The following CDH23 variants were observed in gnomAD, a reference collection of about 807,000 sequenced individuals.
CDH23 encodes cadherin-23.
CDH23 carries 189 observed loss-of-function variants against 317.1 expected under a neutral mutation model. The observed-to-expected ratio is 0.60, with a 90% CI of 0.53 to 0.67. The LOEUF (loss-of-function observed/expected upper bound fraction) is 0.67, where lower values mean the gene tolerates loss of function less well. CDH23 is among the 30% of genes least tolerant of loss of function. The pLI, the probability that CDH23 is intolerant of heterozygous loss-of-function variation, is 0.00. For missense variants in CDH23, 4,401 were observed against 4,592.4 expected, an observed-to-expected ratio of 0.96 and a Z score of 1.20; for synonymous variants, 1,839 against 1,876.8, an observed-to-expected ratio of 0.98 and a Z score of 0.52.
intron 3 of CDH23, among the ~76,000 whole-genome samples, chr10:71,454,153 A>G (rs1468699901): frequency 2.0e-5 from 3 of 152,184 alleles, no homozygotes; most frequent in Non-Finnish European, 2.9e-5. Flanking sequence ...AGATGGAGAA[A>G]GTGAGGCCCA....
rs754557923 is a variant in CDH23, at chr10:71,812,602, G to A, written c.9503G>A (p.Arg3168His). 1.3e-5 allele frequency: 21 copies of A among 1,613,804 alleles called. No homozygotes were observed. In the Admixed American group the frequency reaches 1.3e-4, roughly 10 times the overall value. The stretch of plus-strand genomic sequence containing the variant: ...GCCGACCTGTGGAACAGCCCCACGC[G>A]CACCCATGTGAGCCAGAGGCGGTCA... ...EIADLWNSPT[R>H]THGTFGREPA... The change falls in exon 67 of 70, where the codon CGC becomes CAC. Residue 3168 changes from arginine (R) to histidine (H), a missense_variant. Physicochemically the swap from Arg to His is conservative, Grantham distance 29. This residue lies in a region of CDH23 where 1,144 missense variants were observed against 1,138.2 expected (regional missense o/e 1.01). Transcript: ENST00000224721.
At chr10:71,643,992 G>T in intron 12 of CDH23, 126 bp downstream of exon 12, 1 of 680,388 alleles carries the variant, frequency 1.5e-6, no homozygotes, top group Admixed American at 2.1e-5. Context: ...AGCTCCTGTG[G>T]TTGAGGGACC....
Position 71,650,636 on chromosome 10 carries a change from A to G in CDH23, c.1449+4019A>G, listed in dbSNP as rs114907175. On this transcript the variant is annotated intron_variant, in intron 14 of 69. Coordinates refer to ENST00000224721, the MANE Select transcript of CDH23 (RefSeq NM_022124.6). ...TGCGTACACTATATGCACAAGTCTCATGTGCACACGTGTGTGTACATGTAT... is the reference window on the plus strand; with the variant it reads ...TGCGTACACTATATGCACAAGTCTCGTGTGCACACGTGTGTGTACATGTAT... 2.6e-3 allele frequency among the ~76,000 whole-genome samples: 397 copies of G among 152,352 alleles called. 1 individual carries two copies. Among genetic ancestry groups the G allele is most frequent in the African/African-American group, 9.2e-3 (382 of 41,580 alleles).
chr10:71,744,969 T>TATC (rs1393139809), intron 38 of CDH23, among the ~76,000 whole-genome samples: 7 of 152,390 alleles, frequency 4.6e-5, no homozygotes, highest in Admixed American at 1.3e-4. Context: ...AAAATATTGC[T>TATC]ATCATTTGGT....
At chr10:71,485,956 G>T (rs1325802554) in intron 3 of CDH23, among the ~76,000 whole-genome samples, 1 of 151,106 alleles carries the variant, frequency 6.6e-6, no homozygotes, top group Non-Finnish European at 1.5e-5. Context: ...TTTGCAAATG[G>T]ATGGAGAAAG....
At chr10:71,640,605 G>A (rs991840163) in intron 11 of CDH23, among the ~76,000 whole-genome samples, 7 of 152,100 alleles carry the variant, frequency 4.6e-5, no homozygotes, top group African/African-American at 7.2e-5. Flanking sequence ...AAAATTCCCC[G>A]GGCGTGGTGG....
intron 11 of CDH23, among the ~76,000 whole-genome samples, chr10:71,632,021 G>A (rs1216037375): frequency 6.6e-6 from 1 of 152,228 alleles, no homozygotes; most frequent in Non-Finnish European, 1.5e-5. Flanking sequence ...AGAAGTGCTG[G>A]GGGCAGTGGG....
At chr10:71,722,286 T>A (rs1423178466) in intron 28 of CDH23, among the ~76,000 whole-genome samples, 3 of 151,876 alleles carry the variant, frequency 2.0e-5, no homozygotes, top group South Asian at 2.1e-4. Context: ...ACAAAAAAAA[T>A]AATAATAATC....
chr10:71,464,381 G>C (rs1268192899), intron 3 of CDH23, among the ~76,000 whole-genome samples: 3 of 152,188 alleles, frequency 2.0e-5, no homozygotes, highest in East Asian at 1.9e-4. Context: ...CATAGAACTA[G>C]TTAACAGTGG....
At position 71,709,221 on chromosome 10, in the gene CDH23, A is replaced by G. The variant is rs1289907845; in HGVS notation, c.3220+10A>G. 3.1e-6 allele frequency: 5 copies of G among 1,606,760 alleles called. No individual in the cohort carries two copies. Among genetic ancestry groups the G allele is most frequent in the Admixed American group, 1.7e-5 (1 of 59,964 alleles). ...ATCCTGGAGGCCATCGGTATGCACC[A>G]GTCCCGCACCCACCAACACAGTGAT... On this transcript the variant is annotated intron_variant, in intron 27 of 69. Transcript: ENST00000224721.
chr10:71,469,980 A>T (rs886779101), intron 3 of CDH23, among the ~76,000 whole-genome samples: 9 of 151,980 alleles, frequency 5.9e-5, no homozygotes, highest in African/African-American at 2.2e-4. Flanking sequence ...GCTGAATCAT[A>T]TGTATAGGTT....
At chr10:71,550,678 C>A (rs1421208442) in intron 6 of CDH23, among the ~76,000 whole-genome samples, 5 of 152,218 alleles carry the variant, frequency 3.3e-5, no homozygotes, top group Non-Finnish European at 7.4e-5. Flanking sequence ...GCTTCAGGCC[C>A]AAGTCCACCC....
intron 27 of CDH23, among the ~76,000 whole-genome samples, chr10:71,709,764 T>A: frequency 6.6e-6 from 1 of 152,132 alleles, no homozygotes; most frequent in East Asian, 1.9e-4. Context: ...TGTGTGTTGA[T>A]GTATTAGTCT....
chr10:71,643,903 G>A (rs2132589002), intron 12 of CDH23, 37 bp downstream of exon 12: 2 of 766,070 alleles, frequency 2.6e-6, no homozygotes, highest in Non-Finnish European at 4.8e-6. Flanking sequence ...TTGGGCTTGG[G>A]GAGGGCTTGT....
chr10:71,731,232 A>T (rs1242827353), intron 31 of CDH23, among the ~76,000 whole-genome samples: 1 of 152,070 alleles, frequency 6.6e-6, no homozygotes, highest in African/African-American at 2.4e-5. Context: ...GAAAAGGAGC[A>T]TTTTCTGGAG....
At chr10:71,600,083 A>G (rs1426806863) in intron 9 of CDH23, among the ~76,000 whole-genome samples, 1 of 144,588 alleles carries the variant, frequency 6.9e-6, no homozygotes, top group African/African-American at 2.6e-5. Flanking sequence ...GCTTACTGCA[A>G]CCTCCGCCTC....
chr10:71,570,763 G>A, intron 7 of CDH23, 27 bp from the exon 8 acceptor site: 1 of 1,584,748 alleles, frequency 6.3e-7, no homozygotes, highest in Non-Finnish European at 8.6e-7. Context: ...CTCAACCTAA[G>A]GCTGTGTGTT....
intron 3 of CDH23, among the ~76,000 whole-genome samples, chr10:71,480,899 T>C (rs1475750416): frequency 1.3e-5 from 2 of 152,066 alleles, no homozygotes; most frequent in African/African-American, 4.8e-5. Context: ...TGGCTCCCAG[T>C]GTCTGGTTTT....
chr10:71,760,062 TAC>T (rs748069222), intron 38 of CDH23, among the ~76,000 whole-genome samples: 2,026 of 25,302 alleles, frequency 0.08, 265 homozygotes, highest in East Asian at 0.16. Flanking sequence ...CACATATATA[TAC>T]ACACACACAT....
Sources: gnomAD v4.1 joint callset for allele counts (sites outside exome capture counted in the v4.1 genomes callset) on GRCh38, gnomAD v4.1.1 for gene constraint, gnomAD v4.1.1 regional missense constraint, MANE v1.5 for transcripts, NCBI Gene and HGNC (gene_info 2026-07-23, HGNC 2026-07-21) for gene names.